OCA2: variants seen among roughly 807,000 people sequenced by gnomAD.
OCA2 encodes the protein P protein.
In OCA2, 77 loss-of-function variants were observed where a neutral mutation model predicts 100.2. The observed-to-expected ratio is 0.77, with a 90% CI of 0.64 to 0.93. OCA2 has a LOEUF of 0.93. OCA2 is among the 40% of genes least tolerant of loss of function. OCA2 has a pLI of 0.00. For missense variants in OCA2, 1,062 were observed against 1,089.1 expected (o/e 0.98, Z 0.35); for synonymous variants, 432 against 439.2 (o/e 0.98, Z 0.21).
chr15:27,967,967 TAA>T (rs2040632264), intron 14 of OCA2, among the ~76,000 whole-genome samples: 1 of 152,264 alleles, frequency 6.6e-6, no homozygotes, highest in South Asian at 2.1e-4. Context: ...CGTCCTGGAA[TAA>T]GTCAGCAGCG....
intron 2 of OCA2, among the ~76,000 whole-genome samples, chr15:28,040,624 T>C (rs936509311): frequency 2.0e-5 from 3 of 152,070 alleles, no homozygotes; most frequent in Non-Finnish European, 2.9e-5. Context: ...AAAACTCAAA[T>C]TATTAAAATC....
At chr15:27,874,717 A>G (rs2036716635) in intron 19 of OCA2, among the ~76,000 whole-genome samples, 1 of 152,188 alleles carries the variant, frequency 6.6e-6, no homozygotes, top group African/African-American at 2.4e-5. Flanking sequence ...TTAAGAATGA[A>G]GGCTATCATC....
At chr15:27,793,194 G>A (rs147624456) in intron 23 of OCA2, among the ~76,000 whole-genome samples, 15 of 152,310 alleles carry the variant, frequency 9.8e-5, no homozygotes, top group Admixed American at 7.8e-4. Context: ...ATTACAGGAT[G>A]CTTTTTCCAA....
At chr15:27,987,012 C>T (rs1324804125) in intron 11 of OCA2, among the ~76,000 whole-genome samples, 2 of 152,184 alleles carry the variant, frequency 1.3e-5, no homozygotes, top group Non-Finnish European at 2.9e-5. Context: ...ATCTAGAAGC[C>T]GGGCGGGAGC....
At chr15:28,018,766 G>A (rs564115359) in intron 6 of OCA2, among the ~76,000 whole-genome samples, 3 of 152,272 alleles carry the variant, frequency 2.0e-5, no homozygotes, top group East Asian at 3.9e-4. Context: ...GAAGCAGATC[G>A]TCGTGACCCT....
intron 1 of OCA2, among the ~76,000 whole-genome samples, chr15:28,082,765 T>A (rs866420239): frequency 6.6e-6 from 1 of 152,196 alleles, no homozygotes; most frequent in Non-Finnish European, 1.5e-5. Context: ...GGGTCCTTTT[T>A]CTTTGGTTTT....
chr15:27,723,353 G>A, the OCA2 span, among the ~76,000 whole-genome samples: 3 of 152,102 alleles, frequency 2.0e-5, no homozygotes, highest in Non-Finnish European at 2.9e-5. Flanking sequence ...ACGTGTGCAC[G>A]CACAAACACA....
rs113151152 is a variant in OCA2 at position 27,926,270 on chromosome 15, T to G, written c.1952-16A>C. 3.7e-6 allele frequency: 6 copies of G among 1,613,718 alleles called. No homozygotes were observed. The highest frequency in any genetic ancestry group is 1.7e-4 in the Middle Eastern group (1 of 6,058). ...GCAATCCATCCTGAAAATAAGTAAA[T>G]AGACATAGAGATATAGTTCCACTGT... On this transcript the variant is annotated splice_polypyrimidine_tract_variant and intron_variant, in intron 18 of 23. Coordinates refer to ENST00000354638, the MANE Select transcript of OCA2 (RefSeq NM_000275.3).
chr15:28,031,366 C>G (rs2042902231), intron 3 of OCA2, among the ~76,000 whole-genome samples: 1 of 152,156 alleles, frequency 6.6e-6, no homozygotes, highest in African/African-American at 2.4e-5. Flanking sequence ...TTGTGACGTT[C>G]AAGGAGCCAG....
At chr15:28,074,697 A>AT (rs1309219149) in intron 2 of OCA2, among the ~76,000 whole-genome samples, 3 of 146,080 alleles carry the variant, frequency 2.1e-5, no homozygotes, top group Non-Finnish European at 4.5e-5. Flanking sequence ...AAAAAAAAAA[A>AT]TTAGCTGGGT....
At position 27,990,652 on chromosome 15, in the gene OCA2, A is replaced by G. The variant is rs1442883377; in HGVS notation, c.1045-5T>C. On this transcript the variant is annotated splice_polypyrimidine_tract_variant and splice_region_variant and intron_variant, in intron 9 of 23. Coordinates refer to ENST00000354638, the MANE Select transcript of OCA2 (RefSeq NM_000275.3). The stretch of plus-strand genomic sequence containing the variant: ...CGCCAGAGTTCTGTGCACGATCTGG[A>G]AAGAAGCACAGGAAATTACCGCGTT... 6.2e-7 allele frequency: 1 copy of G among 1,613,664 alleles called. No individual in the cohort carries two copies. The highest frequency in any genetic ancestry group is 8.5e-7 in the Non-Finnish European group (1 of 1,179,752).
At chr15:27,807,680 T>C (rs1039398951) in intron 23 of OCA2, among the ~76,000 whole-genome samples, 5 of 152,070 alleles carry the variant, frequency 3.3e-5, no homozygotes, top group African/African-American at 1.2e-4. Context: ...TTTTTCACTC[T>C]TCGGAAGAAA....
chr15:27,910,471 CAAAATGGGGTACT>C (rs2038346099), intron 19 of OCA2, among the ~76,000 whole-genome samples: 2 of 152,064 alleles, frequency 1.3e-5, no homozygotes, highest in South Asian at 4.1e-4. Flanking sequence ...GGCACATTCA[CAAAATGGGGTACT>C]ATATAGTTAT....
At chr15:28,001,778 G>T (rs2041934706) in intron 9 of OCA2, among the ~76,000 whole-genome samples, 1 of 152,204 alleles carries the variant, frequency 6.6e-6, no homozygotes, top group South Asian at 2.1e-4. Flanking sequence ...AGAATGTGGT[G>T]CTGGAGGACA....
In OCA2 at chr15:28,081,786, T is replaced by G. The variant is rs746874901; in HGVS notation, c.89A>C (p.Glu30Ala). ...AAGCCTGCGCTTGCCGGCCACAAGT[T>G]CAGCGAGTCCGCTGGGCACGGACGT... is the stretch of plus-strand genomic sequence containing the variant. Reference protein sequence around the residue: ...LQTSVPSGLAELVAGKRRLPR... With the variant: ...LQTSVPSGLAALVAGKRRLPR... The change falls in exon 2 of 24, where the codon GAA becomes GCA. Residue 30 changes from glutamate to alanine, a missense_variant. Transcript: ENST00000354638. The G allele has an allele frequency of 6.2e-7, 1 of 1,613,108 alleles. No individual in the cohort carries two copies. The highest frequency in any genetic ancestry group is 8.5e-7 in the Non-Finnish European group (1 of 1,179,836).
chr15:28,094,321 T>G (rs1360174033), intron 1 of OCA2, among the ~76,000 whole-genome samples: 2 of 152,116 alleles, frequency 1.3e-5, no homozygotes, highest in Non-Finnish European at 1.5e-5. Flanking sequence ...TTGGGCCCCA[T>G]GCGCTTGACT....
chr15:27,847,291 G>A (rs1489967681), intron 22 of OCA2, among the ~76,000 whole-genome samples: 1 of 152,212 alleles, frequency 6.6e-6, no homozygotes, highest in Non-Finnish European at 1.5e-5. Flanking sequence ...CAGAGGGCGG[G>A]GAGCTGGTGC....
At chr15:27,913,890 AGAAAGCAAGCAAGCAAGC>A (rs1567098398) in intron 19 of OCA2, among the ~76,000 whole-genome samples, 6 of 52,052 alleles carry the variant, frequency 1.2e-4, no homozygotes, top group South Asian at 7.5e-4. Flanking sequence ...AAAGAAAGAA[AGAAAGCAAGCAAGCAAGC>A]AAGCAAGCAA....
intron 23 of OCA2, among the ~76,000 whole-genome samples, chr15:27,778,651 A>G (rs1035257019): frequency 2.0e-5 from 3 of 152,190 alleles, no homozygotes; most frequent in African/African-American, 7.2e-5. Context: ...GAGAGAAGAA[A>G]AGTTGTGGAA....
Sources: allele counts gnomAD v4.1 joint callset (sites outside exome capture counted in the v4.1 genomes callset), GRCh38; gene constraint gnomAD v4.1.1; transcripts MANE v1.5; gene names NCBI Gene and HGNC (gene_info 2026-07-23, HGNC 2026-07-21).